Variants in SORCS3 observed in about 807,000 individuals in gnomAD.
SORCS3 encodes sortilin related VPS10 domain containing receptor 3.
A neutral mutation model predicts 146.3 loss-of-function variants in SORCS3; 57 were observed. That is an observed-to-expected ratio of 0.39 (90% CI 0.31 to 0.49). The LOEUF (loss-of-function observed/expected upper bound fraction) is 0.49, where lower values mean the gene tolerates loss of function less well. Ranked by LOEUF, SORCS3 falls within the 20% of genes least tolerant of loss-of-function variation. The probability of loss-of-function intolerance (pLI) is 0.92; values close to 1 mark genes in which losing one functional copy is unlikely to be tolerated. For synonymous variants in SORCS3, 653 were observed against 618.5 expected, an observed-to-expected ratio of 1.06 and a Z score of -0.83; for missense variants, 1,341 against 1,575.5, an observed-to-expected ratio of 0.85 and a Z score of 2.52.
chr10:104,727,647 A>C (rs557149486), intron 1 of SORCS3, among the ~76,000 whole-genome samples: 1 of 151,810 alleles, frequency 6.6e-6, no homozygotes, highest in Non-Finnish European at 1.5e-5. Flanking sequence ...GTGTGTGTGC[A>C]TCTCCTTTTT....
chr10:104,647,814 T>G (rs896702991), intron 1 of SORCS3, among the ~76,000 whole-genome samples: 12 of 152,258 alleles, frequency 7.9e-5, no homozygotes, highest in Admixed American at 2.6e-4. Context: ...CAGAGGGGTC[T>G]CTACACTACT....
chr10:105,107,418 A>G (rs2133754753), intron 7 of SORCS3, among the ~76,000 whole-genome samples: 1 of 152,140 alleles, frequency 6.6e-6, no homozygotes, highest in Non-Finnish European at 1.5e-5. Flanking sequence ...TTTCTCGGAA[A>G]CATGACTTAG....
chr10:104,793,716 A>C (rs1228143759), intron 1 of SORCS3, among the ~76,000 whole-genome samples: 2 of 152,234 alleles, frequency 1.3e-5, no homozygotes, highest in Non-Finnish European at 2.9e-5. Context: ...TGTATTATTT[A>C]GCAAGCTGAA....
At chr10:105,191,573 A>C (rs912085192) in intron 14 of SORCS3, among the ~76,000 whole-genome samples, 16 of 152,356 alleles carry the variant, frequency 1.1e-4, no homozygotes, top group Middle Eastern at 6.8e-3. Context: ...TAACATTATT[A>C]GAAAGCTTGA....
Position 105,031,352 on chromosome 10 carries a change from CACACACACACAA to C in SORCS3, c.955-11701_955-11690del, listed in dbSNP as rs1359647840. On this transcript the variant is annotated intron_variant, in intron 4 of 26. Coordinates refer to ENST00000369701, the MANE Select transcript of SORCS3 (RefSeq NM_014978.3). Reference sequence around the variant, plus strand: ...ACACAAACACACACACACACACACACACACACACACAAAAACATGTATGTTTGTTTTACAAAT... The same window carrying C: ...ACACAAACACACACACACACACACACAAACATGTATGTTTGTTTTACAAAT... 1.2e-3 allele frequency among the ~76,000 whole-genome samples: 178 copies of C among 146,264 alleles called. 1 individual carries two copies. The highest frequency in any genetic ancestry group is 4.6e-3 in the African/African-American group (169 of 36,838).
intron 1 of SORCS3, among the ~76,000 whole-genome samples, chr10:104,672,356 T>C (rs2015865133): frequency 6.6e-6 from 1 of 152,154 alleles, no homozygotes; most frequent in South Asian, 2.1e-4. Context: ...GAGTCTTCTC[T>C]CTTTTTTTCT....
intron 1 of SORCS3, among the ~76,000 whole-genome samples, chr10:104,732,540 G>GC (rs894959221): frequency 6.6e-6 from 1 of 152,170 alleles, no homozygotes; most frequent in Non-Finnish European, 1.5e-5. Flanking sequence ...CCTTTGCTGT[G>GC]CCCCCAAGGG....
chr10:105,127,724 T>C (rs1187421766), intron 7 of SORCS3, among the ~76,000 whole-genome samples: 2 of 152,012 alleles, frequency 1.3e-5, no homozygotes, highest in Non-Finnish European at 2.9e-5. Context: ...CCCTCTAATT[T>C]GGAACAACAG....
chr10:105,214,677 A>G (rs1589692023), intron 18 of SORCS3, 64 bp downstream of exon 18: 1 of 1,440,334 alleles, frequency 6.9e-7, no homozygotes, highest in East Asian at 2.4e-5. Flanking sequence ...GAAGGGAAGA[A>G]GAAGATCTTA....
At chr10:104,661,698 T>C (rs1564653586) in intron 1 of SORCS3, among the ~76,000 whole-genome samples, 1 of 151,582 alleles carries the variant, frequency 6.6e-6, no homozygotes, top group Non-Finnish European at 1.5e-5. Context: ...GATAGATAGA[T>C]AGACAGATAG....
At chr10:104,735,022 C>T (rs1422496907) in intron 1 of SORCS3, among the ~76,000 whole-genome samples, 1 of 152,046 alleles carries the variant, frequency 6.6e-6, no homozygotes, top group African/African-American at 2.4e-5. Context: ...AAAAAATCTA[C>T]CCTTTAATGT....
intron 2 of SORCS3, among the ~76,000 whole-genome samples, chr10:104,903,587 G>C (rs1185162912): frequency 1.3e-5 from 2 of 152,192 alleles, no homozygotes; most frequent in African/African-American, 2.4e-5. Flanking sequence ...CATGTTGTAA[G>C]TTACAGTCCT....
chr10:105,143,902 T>A (rs753061365), intron 8 of SORCS3, among the ~76,000 whole-genome samples: 11 of 152,078 alleles, frequency 7.2e-5, no homozygotes, highest in Non-Finnish European at 1.5e-4. Flanking sequence ...CCCTCCTGAG[T>A]TATTATCTGA....
chr10:104,938,399 C>T (rs2019280552), intron 3 of SORCS3, among the ~76,000 whole-genome samples: 1 of 152,206 alleles, frequency 6.6e-6, no homozygotes, highest in East Asian at 1.9e-4. Flanking sequence ...AACTCCACAG[C>T]ATGGGGTTAA....
At chr10:105,062,482 C>T (rs1322031004) in intron 5 of SORCS3, among the ~76,000 whole-genome samples, 1 of 152,108 alleles carries the variant, frequency 6.6e-6, no homozygotes, top group East Asian at 1.9e-4. Context: ...GTTCAAAGCC[C>T]ATGTTGTCAA....
At chr10:104,931,581 T>C (rs561848274) in intron 3 of SORCS3, among the ~76,000 whole-genome samples, 1 of 152,150 alleles carries the variant, frequency 6.6e-6, no homozygotes, top group East Asian at 1.9e-4. Flanking sequence ...AAAGTCCAAA[T>C]TGGAGAATGT....
chr10:104,894,203 C>T (rs2018776651), intron 2 of SORCS3, among the ~76,000 whole-genome samples: 1 of 152,046 alleles, frequency 6.6e-6, no homozygotes, highest in African/African-American at 2.4e-5. Context: ...TTTTATAAGC[C>T]CATAGGTCCT....
At chr10:105,201,360 G>A in intron 16 of SORCS3, 107 bp downstream of exon 16, 1 of 1,333,542 alleles carries the variant, frequency 7.5e-7, no homozygotes, top group Non-Finnish European at 1.0e-6. Flanking sequence ...CGCAGAGATA[G>A]GAGGTGTATC....
intron 1 of SORCS3, among the ~76,000 whole-genome samples, chr10:104,698,383 T>C (rs1354933706): frequency 1.3e-5 from 2 of 152,160 alleles, no homozygotes; most frequent in Admixed American, 1.3e-4. Flanking sequence ...ACACAAAGAC[T>C]GAGTACACTT....
Sources: allele counts gnomAD v4.1 joint callset (sites outside exome capture counted in the v4.1 genomes callset), GRCh38; gene constraint gnomAD v4.1.1; transcripts MANE v1.5; gene names NCBI Gene and HGNC (gene_info 2026-07-23, HGNC 2026-07-21).